The following CDH12 variants were observed in gnomAD, a reference collection of about 807,000 sequenced individuals.
CDH12 encodes the protein cadherin 12.
CDH12 carries 41 observed loss-of-function variants against 74.1 expected under a neutral mutation model. The ratio of observed to expected loss-of-function variants is 0.55; its 90% CI spans 0.43 to 0.72. The LOEUF (loss-of-function observed/expected upper bound fraction) is 0.72. CDH12 is among the 30% of genes least tolerant of loss of function. The pLI, the probability that CDH12 is intolerant of heterozygous loss-of-function variation, is 0.00. For synonymous variants in CDH12, 399 were observed against 355.0 expected, an observed-to-expected ratio of 1.12 and a Z score of -1.39; for missense variants, 945 against 977.2, an observed-to-expected ratio of 0.97 and a Z score of 0.44.
At chr5:22,395,726 T>G (rs557464144) in intron 3 of CDH12, among the ~76,000 whole-genome samples, 1 of 152,104 alleles carries the variant, frequency 6.6e-6, no homozygotes, top group African/African-American at 2.4e-5. Context: ...GAGAAATAAA[T>G]GTAGGGAACA....
At chr5:21,844,850 T>C (rs994637672) in intron 7 of CDH12, among the ~76,000 whole-genome samples, 7 of 152,146 alleles carry the variant, frequency 4.6e-5, no homozygotes, top group African/African-American at 1.7e-4. Context: ...GATATAGTGA[T>C]AGACCTTCTG....
intron 5 of CDH12, among the ~76,000 whole-genome samples, chr5:22,034,196 G>A (rs955617427): frequency 3.3e-5 from 5 of 152,076 alleles, no homozygotes; most frequent in Non-Finnish European, 7.4e-5. Flanking sequence ...CACCATGCCT[G>A]GATAATTTTT....
At position 22,392,884 on chromosome 5, in the gene CDH12, T is replaced by C. The variant is rs559264933; in HGVS notation, c.-333+12373A>G. On this transcript the variant is annotated intron_variant, in intron 3 of 14. Transcript: ENST00000382254. ...ACTGTTCTACAGTTTACAACACTTATTACAAACTTCTCAACCACCCCTAGT... is the reference window on the plus strand; with the variant it reads ...ACTGTTCTACAGTTTACAACACTTACTACAAACTTCTCAACCACCCCTAGT... Among the ~76,000 whole-genome samples the C allele has an allele frequency of 3.3e-5, 5 of 152,214 alleles. No homozygotes were observed. The East Asian group carries it at 5.8e-4, about 18-fold the overall frequency.
intron 6 of CDH12, among the ~76,000 whole-genome samples, chr5:21,963,122 GAT>G (rs3064857): frequency 7.1e-6 from 1 of 141,148 alleles, no homozygotes; most frequent in Admixed American, 7.1e-5. Context: ...TAGATAGATA[GAT>G]AGAGAGATGA....
chr5:22,034,039 T>C (rs1428568403), intron 5 of CDH12, among the ~76,000 whole-genome samples: 2 of 152,056 alleles, frequency 1.3e-5, no homozygotes, highest in Non-Finnish European at 2.9e-5. Context: ...GGAGGGTTTG[T>C]TTTTGGTTTT....
At chr5:21,944,722 T>A (rs150259482) in intron 6 of CDH12, among the ~76,000 whole-genome samples, 14 of 152,284 alleles carry the variant, frequency 9.2e-5, no homozygotes, top group African/African-American at 3.1e-4. Context: ...TGGCCCCTAC[T>A]CACCCCCTCC....
Position 22,547,875 on chromosome 5 carries a change from G to C in CDH12, c.-522-42511C>G, listed in dbSNP as rs542271393. ...TGCAGTAATGGAAATTCAGTCTCTC[G>C]AGCACTATTTCCGCCCATGGAAACC... On this transcript the variant is annotated intron_variant, in intron 1 of 14. Coordinates refer to ENST00000382254, the MANE Select transcript of CDH12 (RefSeq NM_004061.5). 3.9e-5 allele frequency among the ~76,000 whole-genome samples: 6 copies of C among 152,136 alleles called. No individual in the cohort carries two copies. In the South Asian group the frequency reaches 1.0e-3, roughly 26 times the overall value.
At chr5:22,571,510 G>A (rs1307915658) in intron 1 of CDH12, among the ~76,000 whole-genome samples, 1 of 152,126 alleles carries the variant, frequency 6.6e-6, no homozygotes, top group Middle Eastern at 3.2e-3. Flanking sequence ...ATTTTTGGTA[G>A]ATACGGGGGT....
intron 1 of CDH12, among the ~76,000 whole-genome samples, chr5:22,587,837 T>A (rs920161829): frequency 1.3e-5 from 2 of 150,168 alleles, no homozygotes; most frequent in Non-Finnish European, 3.0e-5. Flanking sequence ...TAGAGAACTT[T>A]TTTGGTGGAG....
intron 1 of CDH12, among the ~76,000 whole-genome samples, chr5:22,549,137 G>GT (rs1344546525): frequency 5.5e-4 from 78 of 142,344 alleles, no homozygotes; most frequent in African/African-American, 1.0e-3. Flanking sequence ...TTTTTTTTTT[G>GT]TTTTTTTTGT....
intron 5 of CDH12, among the ~76,000 whole-genome samples, chr5:22,039,702 C>T (rs1739433994): frequency 6.6e-6 from 1 of 152,094 alleles, no homozygotes; most frequent in African/African-American, 2.4e-5. Context: ...CTGAGGTACA[C>T]AAAGTCATTG....
At chr5:21,903,852 C>A (rs1753511705) in intron 6 of CDH12, among the ~76,000 whole-genome samples, 1 of 151,722 alleles carries the variant, frequency 6.6e-6, no homozygotes, top group Non-Finnish European at 1.5e-5. Flanking sequence ...TAAGAAAACT[C>A]AAAGAAAAGT....
chr5:22,254,683 G>T (rs1383920646), intron 3 of CDH12, among the ~76,000 whole-genome samples: 1 of 151,526 alleles, frequency 6.6e-6, no homozygotes, highest in African/African-American at 2.4e-5. Flanking sequence ...AAAAAAATCA[G>T]TATGGGTATA....
intron 1 of CDH12, among the ~76,000 whole-genome samples, chr5:22,649,651 C>T (rs768454565): frequency 6.6e-6 from 1 of 151,974 alleles, no homozygotes; most frequent in Admixed American, 6.6e-5. Context: ...AACAAAAATG[C>T]CTATCCTTAT....
intron 1 of CDH12, among the ~76,000 whole-genome samples, chr5:22,766,635 C>G (rs991431855): frequency 1.3e-5 from 2 of 152,082 alleles, no homozygotes; most frequent in African/African-American, 4.8e-5. Flanking sequence ...GCCCTTCCAA[C>G]TCCTGTGGGT....
At chr5:21,901,794 T>G (rs564751208) in intron 6 of CDH12, among the ~76,000 whole-genome samples, 261 of 152,244 alleles carry the variant, frequency 1.7e-3, no homozygotes, top group African/African-American at 5.8e-3. Context: ...AACAACATCA[T>G]CATCCAGCAG....
intron 5 of CDH12, among the ~76,000 whole-genome samples, chr5:22,055,025 G>A (rs1740642556): frequency 6.6e-6 from 1 of 152,124 alleles, no homozygotes. Context: ...AATACAAATG[G>A]ATGCTGTTAA....
intron 3 of CDH12, among the ~76,000 whole-genome samples, chr5:22,255,759 GA>G (rs947745684): frequency 1.3e-5 from 2 of 151,296 alleles, no homozygotes; most frequent in African/African-American, 4.9e-5. Context: ...CTAGAACAAG[GA>G]AAAAATAAAA....
At chr5:21,831,448 A>G (rs1473493875) in intron 8 of CDH12, among the ~76,000 whole-genome samples, 1 of 152,162 alleles carries the variant, frequency 6.6e-6, no homozygotes, top group Non-Finnish European at 1.5e-5. Flanking sequence ...GCACAGGTGC[A>G]ATATATGTGA....
Sources: allele counts gnomAD v4.1 joint callset (sites outside exome capture counted in the v4.1 genomes callset), GRCh38; gene constraint gnomAD v4.1.1; transcripts MANE v1.5; gene names NCBI Gene and HGNC (gene_info 2026-07-23, HGNC 2026-07-21).